The following NOBOX variants were observed in gnomAD, a reference collection of about 807,000 sequenced individuals.
NOBOX encodes the protein NOBOX oogenesis homeobox, also known as homeobox protein NOBOX.
Under a neutral mutation model 60.2 loss-of-function variants are expected in NOBOX, and 46 were observed. The observed-to-expected ratio is 0.76, with a 90% CI of 0.60 to 0.98. The LOEUF (loss-of-function observed/expected upper bound fraction) is 0.98, where lower values mean the gene tolerates loss of function less well. NOBOX is among the 50% of genes least tolerant of loss of function. The pLI is 0.00. For synonymous variants in NOBOX, 360 were observed against 346.3 expected, an observed-to-expected ratio of 1.04 and a Z score of -0.44; for missense variants, 880 against 865.5, an observed-to-expected ratio of 1.02 and a Z score of -0.21.
chr7:144,405,334 G>A (rs1203848210), intron 1 of NOBOX, among the ~76,000 whole-genome samples: 1 of 152,162 alleles, frequency 6.6e-6, no homozygotes, highest in African/African-American at 2.4e-5. Flanking sequence ...GAAAAATCAG[G>A]ACCATTTGGT....
chr7:144,404,316 C>G (rs927604155), intron 2 of NOBOX, among the ~76,000 whole-genome samples: 1 of 152,102 alleles, frequency 6.6e-6, no homozygotes, highest in Non-Finnish European at 1.5e-5. Flanking sequence ...TGGGGGATCT[C>G]GGCTCACTGC....
At position 144,398,441 on chromosome 7, in the gene NOBOX, G is replaced by A; in HGVS notation, c.1615C>T (p.Pro539Ser). The change falls in exon 9 of 10, where the codon CCC (proline) becomes TCC (serine). Residue 539 changes from proline to serine, a missense_variant. Coordinates refer to ENST00000467773, the MANE Select transcript of NOBOX (RefSeq NM_001080413.3). ...CTGGGCATGGAGAAGGGGAAAGTGG[G>A]GAGGTAGGGCAACTTGGGCTGAGGG... is the stretch of plus-strand genomic sequence containing the variant. 2 of 1,537,292 alleles carry A rather than the reference G, an allele frequency of 1.3e-6. No individual in the cohort carries two copies. The highest frequency in any genetic ancestry group is 2.4e-5 in the South Asian group (2 of 84,060).
In NOBOX at chr7:144,403,641, G is replaced by A. The variant is rs772712453; in HGVS notation, c.210+915C>T. On this transcript the variant is annotated intron_variant, in intron 2 of 9. Transcript: ENST00000467773. ...CAAAGCCTGACCCCCTCGCACGACGGGGTCTCCACACTCACCCAGCGGTCC... is the reference window on the plus strand; with the variant it reads ...CAAAGCCTGACCCCCTCGCACGACGAGGTCTCCACACTCACCCAGCGGTCC... 1.4e-6 allele frequency: 1 copy of A among 699,746 alleles called. No individual in the cohort carries two copies. Among genetic ancestry groups the A allele is most frequent in the Non-Finnish European group, 2.6e-6 (1 of 383,344 alleles). 43.3% of individuals were successfully genotyped at this position (699,746 alleles called of 1,614,324 possible).
At position 144,397,334 on chromosome 7, in the gene NOBOX, C is replaced by G. The variant is rs1381059442; in HGVS notation, c.1982G>C (p.Ser661Thr). The change falls in exon 10 of 10, where the codon AGC (serine) becomes ACC (threonine). Residue 661 changes from serine (S) to threonine (T), a missense_variant. Physicochemically the swap from Ser to Thr is moderately conservative, Grantham distance 58. Coordinates refer to ENST00000467773, the MANE Select transcript of NOBOX (RefSeq NM_001080413.3). ...AGCTGGTGGTTCCTCTTTTGCCTTG[C>G]TGAGTAAGGGCCCAGTCCCTGGTCT... is the stretch of plus-strand genomic sequence containing the variant. The G allele has an allele frequency of 6.5e-7, 1 of 1,537,180 alleles. No homozygotes were observed. The highest frequency in any genetic ancestry group is 8.7e-7 in the Non-Finnish European group (1 of 1,146,924).
chr7:144,403,774 A>T, intron 2 of NOBOX, 81 bp from the exon 1 acceptor site: 1 of 555,170 alleles, frequency 1.8e-6, no homozygotes. Context: ...GCAGGTGTGC[A>T]GCCCGCACGG....
chr7:144,408,236 CT>C (rs540515599), intron 1 of NOBOX, among the ~76,000 whole-genome samples: 19,333 of 140,392 alleles, frequency 0.14, 1,425 homozygotes, highest in South Asian at 0.23. Context: ...CAGCATGAAA[CT>C]TTTTTTTTTT....
Position 144,401,134 on chromosome 7 carries a change from C to A in NOBOX, c.756G>T (p.Ala252=), listed in dbSNP as rs373577162. Residue 252 remains alanine, a synonymous_variant, in exon 4 of 10, where the codon GCG becomes GCT. Coordinates refer to ENST00000467773, the MANE Select transcript of NOBOX (RefSeq NM_001080413.3). The surrounding 1 kb of genome is among the most constrained non-coding windows in gnomAD (Gnocchi z 4.2). ...TGTGGTCTCTGTTTTGGTTGCTCTG[C>A]GCCAATGTACTGAGGAGATTGGCCA... 2.5e-6 allele frequency: 4 copies of A among 1,588,306 alleles called. No individual in the cohort carries two copies. The highest frequency in any genetic ancestry group is 2.2e-5 in the East Asian group (1 of 44,572).
At chr7:144,404,718 T>C in intron 1 of NOBOX, 2 of 1,605,816 alleles carry the variant, frequency 1.2e-6, no homozygotes, top group Non-Finnish European at 1.7e-6. Context: ...TTCCATCCAT[T>C]TGGTGTTTCG....
intron 5 of NOBOX, 99 bp from the exon 4 acceptor site, chr7:144,399,962 C>T: frequency 7.9e-7 from 1 of 1,260,466 alleles, no homozygotes; most frequent in Non-Finnish European, 1.1e-6. Context: ...TTTGGAAGGT[C>T]ACTCCAGCAC....
chr7:144,401,679 G>T lies in NOBOX; in HGVS notation c.293-82C>A. On this transcript the variant is annotated intron_variant, in intron 3 of 9. Transcript: ENST00000467773. The surrounding 1 kb of genome is among the most constrained non-coding windows in gnomAD (Gnocchi z 4.2). ...AAGAGGAAGTGCTGCTTCCTGCTTT[G>T]CAAACGGTTTGATCTTAAGCTTTAA... 7.2e-7 allele frequency: 1 copy of T among 1,380,700 alleles called. No individual in the cohort carries two copies. Among genetic ancestry groups the T allele is most frequent in the Non-Finnish European group, 9.7e-7 (1 of 1,031,148 alleles). 85.5% of individuals were successfully genotyped at this position (1,380,700 alleles called of 1,614,324 possible).
At position 144,399,480 on chromosome 7, in the gene NOBOX, G is replaced by C; in HGVS notation, c.1157C>G (p.Ser386Cys). Residue 386 changes from serine to cysteine, a missense_variant and splice_region_variant, in exon 7 of 10, where the codon TCT becomes TGT. Physicochemically the swap from Ser to Cys is moderately radical, Grantham distance 112. Coordinates refer to ENST00000467773, the MANE Select transcript of NOBOX (RefSeq NM_001080413.3). ...CACAGCAGGTAGGATCTCAGCTGCA[G>C]AGCTGGAGGCAGGAAGAATGAAGAC... 2 of 1,574,234 alleles carry C rather than the reference G, an allele frequency of 1.3e-6. No homozygotes were observed. Among genetic ancestry groups the C allele is most frequent in the Admixed American group, 3.7e-5 (2 of 53,734 alleles).
intron 2 of NOBOX, among the ~76,000 whole-genome samples, chr7:144,402,748 ATTTTTTTT>A (rs1218483822): frequency 2.1e-5 from 2 of 93,418 alleles, no homozygotes; most frequent in African/African-American, 4.4e-5. Flanking sequence ...AAGGAATAAC[ATTTTTTTT>A]TTTTTTTTTT....
chr7:144,401,351 G>A lies in NOBOX; in HGVS notation c.539C>T (p.Thr180Ile), dbSNP rs754310626. The A allele has an allele frequency of 6.2e-7, 1 of 1,613,866 alleles. No individual in the cohort carries two copies. Reference sequence around the variant, plus strand: ...TGGGAGGGAACAATCTTCCCCCTGAGTCTGGGGCCTGGAGCGGGCTAGAGT... The same window carrying A: ...TGGGAGGGAACAATCTTCCCCCTGAATCTGGGGCCTGGAGCGGGCTAGAGT... Residue 180 changes from threonine to isoleucine, a missense_variant, in exon 4 of 10, where the codon ACT (threonine) becomes ATT (isoleucine). Coordinates refer to ENST00000467773, the MANE Select transcript of NOBOX (RefSeq NM_001080413.3). The surrounding 1 kb of genome is among the most constrained non-coding windows in gnomAD (Gnocchi z 4.2).
intron 1 of NOBOX, among the ~76,000 whole-genome samples, chr7:144,409,495 A>ATAT (rs2054007690): frequency 6.6e-6 from 1 of 152,206 alleles, no homozygotes; most frequent in Non-Finnish European, 1.5e-5. Context: ...TACACTCCAT[A>ATAT]TATAATTTCA....
intron 4 of NOBOX, 93 bp downstream of exon 2, chr7:144,400,953 C>T (rs2053933262): frequency 1.7e-5 from 18 of 1,082,520 alleles, no homozygotes; most frequent in Non-Finnish European, 2.0e-5. Flanking sequence ...TAACCCCATC[C>T]CTCAGGTCTC....
intron 9 of NOBOX, among the ~76,000 whole-genome samples, 191 bp from the exon 8 acceptor site, chr7:144,397,732 C>T: frequency 6.6e-6 from 1 of 152,290 alleles, no homozygotes; most frequent in South Asian, 2.1e-4. Flanking sequence ...CACTCAAGGT[C>T]CTGTGGTTTA....
chr7:144,397,246 G>C lies in NOBOX; in HGVS notation c.2070C>G (p.Val690=), dbSNP rs2053898958. Reference sequence around the variant, plus strand: ...TCACTCTTTGACCCCCCAACTAGGGGACATGGCTATTCTTGTCATCCCCTC... The same window carrying C: ...TCACTCTTTGACCCCCCAACTAGGGCACATGGCTATTCTTGTCATCCCCTC... The change falls in exon 10 of 10, where the codon GTC becomes GTG. Residue 690 remains valine, a synonymous_variant. Transcript: ENST00000467773. 4 of 1,528,178 alleles carry C rather than the reference G, an allele frequency of 2.6e-6. No individual in the cohort carries two copies. The highest frequency in any genetic ancestry group is 2.7e-5 in the African/African-American group (2 of 72,826). The allele number at this position is 1,528,178 out of a possible 1,614,324, so 94.7% of individuals were successfully genotyped here.
At chr7:144,403,173 T>C (rs530282379) in intron 2 of NOBOX, among the ~76,000 whole-genome samples, 4 of 152,208 alleles carry the variant, frequency 2.6e-5, no homozygotes, top group African/African-American at 9.6e-5. Flanking sequence ...TCTGGGCTGG[T>C]GAAGAGGGTG....
intron 2 of NOBOX, chr7:144,404,542 C>G: frequency 1.2e-6 from 2 of 1,610,356 alleles, no homozygotes; most frequent in South Asian, 2.2e-5. Context: ...AGCCACAGCG[C>G]TCGCCCCCCG....
Sources: gnomAD v4.1 joint callset for allele counts (sites outside exome capture counted in the v4.1 genomes callset) on GRCh38, gnomAD v4.1.1 for gene constraint, Gnocchi (gnomAD v3.1) non-coding constraint, MANE v1.5 for transcripts, NCBI Gene and HGNC (gene_info 2026-07-23, HGNC 2026-07-21) for gene names.